The following MAP3K1 variants were observed in gnomAD, a reference collection of about 807,000 sequenced individuals.
MAP3K1 encodes the protein mitogen-activated protein kinase kinase kinase 1, also known as MAP/ERK kinase kinase 1.
MAP3K1 carries 36 observed loss-of-function variants against 144.2 expected under a neutral mutation model. The ratio of observed to expected loss-of-function variants is 0.25; its 90% CI spans 0.19 to 0.33. The LOEUF is 0.33. Among genes scored for constraint, MAP3K1 ranks in the 10% least tolerant of loss-of-function variants. The pLI, the probability that MAP3K1 is intolerant of heterozygous loss-of-function variation, is 1.00. For missense variants in MAP3K1, 1,650 were observed against 1,881.9 expected, an observed-to-expected ratio of 0.88 and a Z score of 2.28; for synonymous variants, 718 against 688.7, an observed-to-expected ratio of 1.04 and a Z score of -0.67.
At chr5:56,822,930 G>T (rs138798122) in intron 1 of MAP3K1, among the ~76,000 whole-genome samples, 155 of 152,178 alleles carry the variant, frequency 1.0e-3, no homozygotes, top group African/African-American at 3.6e-3. Flanking sequence ...CTGGCAGTTT[G>T]ACCTGTTATC....
At chr5:56,863,792 A>G (rs572177228) in intron 3 of MAP3K1, among the ~76,000 whole-genome samples, 111 of 152,318 alleles carry the variant, frequency 7.3e-4, no homozygotes, top group African/African-American at 2.6e-3. Context: ...GCCAACATTT[A>G]TTACCCTTAA....
At chr5:56,847,110 T>C (rs1747021959) in intron 1 of MAP3K1, among the ~76,000 whole-genome samples, 1 of 152,234 alleles carries the variant, frequency 6.6e-6, no homozygotes, top group Non-Finnish European at 1.5e-5. Context: ...GAAAACCTTT[T>C]TGCATTTTAT....
chr5:56,832,591 C>T (rs892980521), intron 1 of MAP3K1, among the ~76,000 whole-genome samples: 2 of 152,198 alleles, frequency 1.3e-5, no homozygotes, highest in Non-Finnish European at 2.9e-5. Flanking sequence ...GTGGCAAAGC[C>T]TGAAACTGAA....
chr5:56,859,648 A>G (rs1364200710), intron 2 of MAP3K1, 67 bp from the exon 3 acceptor site: 1 of 1,163,842 alleles, frequency 8.6e-7, no homozygotes, highest in Non-Finnish European at 1.3e-6. Context: ...TTCCTAGTCT[A>G]TGATATTTAC....
At chr5:56,845,824 G>C (rs1156948113) in intron 1 of MAP3K1, among the ~76,000 whole-genome samples, 1 of 152,146 alleles carries the variant, frequency 6.6e-6, no homozygotes, top group African/African-American at 2.4e-5. Flanking sequence ...AAGAATACAA[G>C]GTTTTATGGG....
chr5:56,835,617 TCTGGAGAAAC>T (rs1331199753), intron 1 of MAP3K1, among the ~76,000 whole-genome samples: 1 of 151,854 alleles, frequency 6.6e-6, no homozygotes, highest in Non-Finnish European at 1.5e-5. Context: ...CTTAGGCTAC[TCTGGAGAAAC>T]CTGGAGAAGG....
chr5:56,815,654 C>T lies in MAP3K1; in HGVS notation c.81C>T (p.Gly27=), dbSNP rs185050655. Residue 27 remains glycine, a synonymous_variant, in exon 1 of 20, where the codon GGC becomes GGT. Transcript: ENST00000399503. Reference sequence around the variant, plus strand: ...CTACGAGCCCTGAGGCAGGCGGCGGCGGAGGAGCCCTCAAGGCGAGCAGCG... The same window carrying T: ...CTACGAGCCCTGAGGCAGGCGGCGGTGGAGGAGCCCTCAAGGCGAGCAGCG... The part of the protein sequence containing the change: ...ARATSPEAGG[G]GGALKASSAP... 6,347 of 1,333,836 alleles carry T rather than the reference C, an allele frequency of 4.8e-3. 140 individuals carry two copies. The Admixed American group carries it at 0.078, about 16-fold the overall frequency. The allele number at this position is 1,333,836 out of a possible 1,614,324, so 82.6% of individuals were successfully genotyped here.
chr5:56,868,455 G>A (rs1202868758), intron 6 of MAP3K1, among the ~76,000 whole-genome samples: 1 of 152,002 alleles, frequency 6.6e-6, no homozygotes, highest in Non-Finnish European at 1.5e-5. Context: ...CGTGATCTTG[G>A]CTCACTGCAA....
chr5:56,871,814 G>A (rs900194880), intron 6 of MAP3K1, 96 bp from the exon 7 acceptor site: 9 of 1,099,674 alleles, frequency 8.2e-6, no homozygotes, highest in Non-Finnish European at 1.2e-5. Context: ...AATTTCTAAT[G>A]TATTTATATT....
intron 1 of MAP3K1, among the ~76,000 whole-genome samples, chr5:56,843,967 A>G (rs1453584837): frequency 1.3e-5 from 2 of 152,192 alleles, no homozygotes; most frequent in Admixed American, 6.5e-5. Flanking sequence ...ACACTGCGCT[A>G]TCAAAGATGC....
intron 10 of MAP3K1, among the ~76,000 whole-genome samples, chr5:56,878,357 G>A (rs959706051): frequency 5.9e-5 from 9 of 151,960 alleles, no homozygotes; most frequent in African/African-American, 1.9e-4. Context: ...TGTAGATGAC[G>A]GGTCGATGGA....
At chr5:56,847,892 T>G (rs951677330) in intron 1 of MAP3K1, among the ~76,000 whole-genome samples, 1 of 152,316 alleles carries the variant, frequency 6.6e-6, no homozygotes, top group East Asian at 1.9e-4. Context: ...GAGTTACCAG[T>G]AATAATTTAC....
At chr5:56,854,360 G>GA (rs1490245220) in intron 1 of MAP3K1, among the ~76,000 whole-genome samples, 1 of 149,698 alleles carries the variant, frequency 6.7e-6, no homozygotes, top group Non-Finnish European at 1.5e-5. Flanking sequence ...TTGAACCTGG[G>GA]AGGCGGAGGT....
At chr5:56,873,837 T>C (rs564253352) in intron 9 of MAP3K1, among the ~76,000 whole-genome samples, 50 of 152,258 alleles carry the variant, frequency 3.3e-4, no homozygotes, top group African/African-American at 1.2e-3. Context: ...AGCAACCCAT[T>C]TATGAATCTA....
In MAP3K1 at chr5:56,888,245, A is replaced by G; in HGVS notation, c.4277A>G (p.Tyr1426Cys). The change falls in exon 19 of 20, where the codon TAT becomes TGT. Residue 1426 changes from tyrosine (Y) to cysteine (C), a missense_variant. Physicochemically the swap from Tyr to Cys is radical, Grantham distance 194 (BLOSUM62 -2). Around this residue, in one of 6 missense-constraint regions of MAP3K1, gnomAD observed 165 missense variants for 322.9 expected, o/e 0.51. Transcript: ENST00000399503. Reference protein sequence around the residue: ...MAPEVLRGQQYGRSCDVWSVG... With the variant: ...MAPEVLRGQQCGRSCDVWSVG... ...TTTTAGGTACTAAGAGGTCAACAGT[A>G]TGGAAGGAGCTGTGATGTATGGAGT... 1.2e-6 allele frequency: 2 copies of G among 1,613,936 alleles called. No homozygotes were observed. The highest frequency in any genetic ancestry group is 1.7e-6 in the Non-Finnish European group (2 of 1,179,802).
At chr5:56,879,183 C>A in intron 11 of MAP3K1, 82 bp downstream of exon 11, 1 of 1,458,940 alleles carries the variant, frequency 6.9e-7, no homozygotes, top group African/African-American at 1.4e-5. Context: ...GTGTGAATAT[C>A]TGATACATTT....
At chr5:56,861,530 G>T (rs928040433) in intron 3 of MAP3K1, among the ~76,000 whole-genome samples, 1 of 135,724 alleles carries the variant, frequency 7.4e-6, no homozygotes, top group Non-Finnish European at 1.5e-5. Flanking sequence ...CCGAGATCAC[G>T]CCACTGCTCT....
chr5:56,826,245 A>G (rs1389410467), intron 1 of MAP3K1, among the ~76,000 whole-genome samples: 1 of 152,188 alleles, frequency 6.6e-6, no homozygotes, highest in Non-Finnish European at 1.5e-5. Flanking sequence ...ACTAAAAAAT[A>G]AATGTGGCTT....
intron 1 of MAP3K1, 138 bp from the exon 2 acceptor site, chr5:56,856,456 TAAGTCA>T (rs1388434083): frequency 1.4e-6 from 1 of 694,982 alleles, no homozygotes; most frequent in Non-Finnish European, 2.5e-6. Flanking sequence ...TTTCAAGCTT[TAAGTCA>T]TTTGGGGTTT....
Sources: allele counts gnomAD v4.1 joint callset (sites outside exome capture counted in the v4.1 genomes callset), GRCh38; gene constraint gnomAD v4.1.1; regional missense constraint gnomAD v4.1.1; transcripts MANE v1.5; gene names NCBI Gene and HGNC (gene_info 2026-07-23, HGNC 2026-07-21).